Variants in XKR5 observed in about 807,000 individuals in gnomAD.
XKR5 encodes the protein XK related 5.
A neutral mutation model predicts 40.8 loss-of-function variants in XKR5; 46 were observed. The observed-to-expected ratio is 1.13, with a 90% CI of 0.89 to 1.44. XKR5 has a LOEUF of 1.44. Among genes scored for constraint, XKR5 ranks in the 40% most tolerant of loss-of-function variants. The pLI is 0.00. For missense variants in XKR5, 1,169 were observed against 844.7 expected (o/e 1.38, Z -4.76); for synonymous variants, 466 against 356.1 (o/e 1.31, Z -3.48).
rs960992419 is a variant in XKR5 at position 6,829,646 on chromosome 8, G to A, written c.242+3071C>T. 2.6e-5 allele frequency among the ~76,000 whole-genome samples: 4 copies of A among 152,190 alleles called. No homozygotes were observed. In the South Asian group the frequency reaches 8.3e-4, roughly 32 times the overall value. ...TTCTCATGCTTCAGTCTCCTGAGTA[G>A]GTGGCATTACAGGTGTGCGTGACCA... On this transcript the variant is annotated intron_variant, in intron 2 of 6. Transcript: ENST00000618742.
chr8:6,819,808 ACTTCCTTCCTCTTCCCTAC>A (rs146376669), intron 5 of XKR5, among the ~76,000 whole-genome samples: 17,360 of 150,658 alleles, frequency 0.12, 1,512 homozygotes, highest in East Asian at 0.34. Context: ...TTTACCCTCC[ACTTCCTTCCTCTTCCCTAC>A]CTTCCTTCCT....
chr8:6,821,794 C>T, intron 5 of XKR5, 75 bp downstream of exon 5: 2 of 1,306,638 alleles, frequency 1.5e-6, no homozygotes, highest in Non-Finnish European at 2.1e-6. Flanking sequence ...ACACACACAC[C>T]CCCCACACAC....
At position 6,811,345 on chromosome 8, in the gene XKR5, G is replaced by C. The variant is rs1563344224; in HGVS notation, c.1914C>G (p.His638Gln). 2 of 1,537,370 alleles carry C rather than the reference G, an allele frequency of 1.3e-6. No individual in the cohort carries two copies. The highest frequency in any genetic ancestry group is 1.7e-6 in the Non-Finnish European group (2 of 1,146,926). Residue 638 changes from histidine (H) to glutamine (Q), a missense_variant, in exon 7 of 7, where the codon CAC (histidine) becomes CAG (glutamine). His to Gln is a conservative substitution (Grantham distance 24). Transcript: ENST00000618742. ...EPLEPKRELS[H>Q]HAAVGVWVSL... ...ACACCCACACACCAACAGCTGCATG[G>C]TGACTTAGCTCCCTTTTGGGCTCCA...
chr8:6,826,497 G>C (rs1486563884), intron 2 of XKR5, among the ~76,000 whole-genome samples: 4 of 152,152 alleles, frequency 2.6e-5, no homozygotes. Flanking sequence ...ATCAGGATTT[G>C]ATGACTGAAC....
chr8:6,811,582 G>A lies in XKR5; in HGVS notation c.1677C>T (p.Ser559=), dbSNP rs1216959598. 1 of 1,537,204 alleles carries A rather than the reference G, an allele frequency of 6.5e-7. No individual in the cohort carries two copies. Among genetic ancestry groups the A allele is most frequent in the African/African-American group, 1.4e-5 (1 of 73,052 alleles). Residue 559 remains serine (S), a synonymous_variant, in exon 7 of 7, where the codon AGC becomes AGT. Transcript: ENST00000618742. The part of the protein sequence containing the change: ...EVATSSQQEG[S]PATLQTAHSG... ...AGTGGGCCGTTTGCAGAGTAGCTGG[G>A]CTGCCTTCTTGTTGTGAGGATGTGG...
At position 6,811,326 on chromosome 8, in the gene XKR5, A is replaced by C. The variant is rs1803669578; in HGVS notation, c.1933T>G (p.Trp645Gly). The C allele has an allele frequency of 1.3e-6, 2 of 1,537,216 alleles. No homozygotes were observed. The highest frequency in any genetic ancestry group is 3.9e-5 in the Admixed American group (2 of 50,990). ...ELSHHAAVGV[W>G]VSLPQLRTAH... is the part of the protein sequence containing the mutation. ...GTCCTCAGCTGTGGCAATGACACCC[A>C]CACACCAACAGCTGCATGGTGACTT... is the stretch of plus-strand genomic sequence containing the variant. Residue 645 changes from tryptophan to glycine, a missense_variant, in exon 7 of 7, where the codon TGG becomes GGG. Transcript: ENST00000618742.
chr8:6,821,987 A>G lies in XKR5; in HGVS notation c.689T>C (p.Ile230Thr). The G allele has an allele frequency of 6.2e-7, 1 of 1,607,288 alleles. No homozygotes were observed. The change falls in exon 5 of 7, where the codon ATC becomes ACC. Residue 230 changes from isoleucine to threonine, a missense_variant. By Grantham distance (89) the Ile-to-Thr change is moderately conservative. Transcript: ENST00000618742. Reference sequence around the variant, plus strand: ...CCTCCAGTGGCAGGTGCTGTCGATGATGTCACTCTGCTGGGCGACAAGCCA... The same window carrying G: ...CCTCCAGTGGCAGGTGCTGTCGATGGTGTCACTCTGCTGGGCGACAAGCCA... ...TFWLVAQQSD[I>T]IDSTCHWRLF...
chr8:6,813,975 C>T (rs1803849220), intron 6 of XKR5, among the ~76,000 whole-genome samples: 2 of 152,316 alleles, frequency 1.3e-5, no homozygotes, highest in Non-Finnish European at 1.5e-5. Context: ...TCAGCTATAC[C>T]TCCCGTGAAC....
intron 2 of XKR5, among the ~76,000 whole-genome samples, chr8:6,828,647 C>A (rs139473089): frequency 2.7e-4 from 41 of 152,310 alleles, no homozygotes; most frequent in Middle Eastern, 3.4e-3. Flanking sequence ...ACAGTCGCTG[C>A]ATCATTCCAG....
At chr8:6,824,074 C>T (rs558955292) in intron 3 of XKR5, among the ~76,000 whole-genome samples, 1 of 152,120 alleles carries the variant, frequency 6.6e-6, no homozygotes, top group Non-Finnish European at 1.5e-5. Context: ...CTGTATATAA[C>T]AAAGCTGATT....
Position 6,812,136 on chromosome 8 carries a change from C to A in XKR5, c.1123G>T (p.Gly375Trp), listed in dbSNP as rs1803747262. ...QGASYEPTIL[G>W]KPPTPEQVPP... ...ACCTGCTCAGGGGTAGGGGGCTTCCCTAAAATGGTTGGTTCATAACTTGCC... is the reference window on the plus strand; with the variant it reads ...ACCTGCTCAGGGGTAGGGGGCTTCCATAAAATGGTTGGTTCATAACTTGCC... The change falls in exon 7 of 7, where the codon GGG becomes TGG. Residue 375 changes from glycine (G) to tryptophan (W), a missense_variant. Coordinates refer to ENST00000618742, the MANE Select transcript of XKR5 (RefSeq NM_207411.5). 4.5e-6 allele frequency: 7 copies of A among 1,550,510 alleles called. No homozygotes were observed. Among genetic ancestry groups the A allele is most frequent in the Non-Finnish European group, 6.1e-6 (7 of 1,146,974 alleles).
intron 2 of XKR5, among the ~76,000 whole-genome samples, chr8:6,826,791 C>T (rs796667227): frequency 2.6e-4 from 40 of 152,214 alleles, no homozygotes; most frequent in African/African-American, 8.2e-4. Flanking sequence ...GGCCTGGATA[C>T]GAAAGGGACA....
intron 1 of XKR5, among the ~76,000 whole-genome samples, chr8:6,833,487 T>G (rs952499889): frequency 6.6e-6 from 1 of 152,098 alleles, no homozygotes; most frequent in African/African-American, 2.4e-5. Context: ...CCAAAGCACT[T>G]TGGGAGGCCG....
chr8:6,811,771 A>G lies in XKR5; in HGVS notation c.1488T>C (p.Asp496=), dbSNP rs1250383507. ...CTGCTGGGTTCTGGGTAGGTGCTTCATCCTGCTGATCGCTGGCAAAAGATA... is the reference window on the plus strand; with the variant it reads ...CTGCTGGGTTCTGGGTAGGTGCTTCGTCCTGCTGATCGCTGGCAAAAGATA... The part of the protein sequence containing the change: ...SYVSFASDQQ[D]EAPTQNPAAT... The change falls in exon 7 of 7, where the codon GAT becomes GAC. Residue 496 remains aspartate (D), a synonymous_variant. Coordinates refer to ENST00000618742, the MANE Select transcript of XKR5 (RefSeq NM_207411.5). 25 of 1,537,588 alleles carry G rather than the reference A, an allele frequency of 1.6e-5. No homozygotes were observed. Among genetic ancestry groups the G allele is most frequent in the Non-Finnish European group, 2.1e-5 (24 of 1,146,996 alleles).
At position 6,822,705 on chromosome 8, in the gene XKR5, G is replaced by A. The variant is rs549845178; in HGVS notation, c.638-667C>T. 2.0e-5 allele frequency among the ~76,000 whole-genome samples: 3 copies of A among 152,306 alleles called. No individual in the cohort carries two copies. The South Asian group carries it at 6.2e-4, about 32-fold the overall frequency. ...AGTATATTCACTGATGACCAGAGATGACAGCTCTCCTCGGCAGGGACACAC... is the reference window on the plus strand; with the variant it reads ...AGTATATTCACTGATGACCAGAGATAACAGCTCTCCTCGGCAGGGACACAC... On this transcript the variant is annotated intron_variant, in intron 4 of 6. Transcript: ENST00000618742.
At chr8:6,818,972 G>A (rs191316323) in intron 5 of XKR5, among the ~76,000 whole-genome samples, 2,156 of 152,370 alleles carry the variant, frequency 0.014, 47 homozygotes, top group African/African-American at 0.049. Context: ...AGCCTAGAAA[G>A]TCGAGGCTGC....
At position 6,832,709 on chromosome 8, in the gene XKR5, G is replaced by T; in HGVS notation, c.242+8C>A. 1 of 1,613,028 alleles carries T rather than the reference G, an allele frequency of 6.2e-7. No individual in the cohort carries two copies. The highest frequency in any genetic ancestry group is 1.1e-5 in the South Asian group (1 of 90,792). On this transcript the variant is annotated splice_region_variant and intron_variant, in intron 2 of 6. Coordinates refer to ENST00000618742, the MANE Select transcript of XKR5 (RefSeq NM_207411.5). ...TGCTCCAGAGGTGAAAGAGGCAGCT[G>T]TTCTTACCGCTTCCAAACACCAAGC...
At chr8:6,827,820 T>A (rs972930908) in intron 2 of XKR5, among the ~76,000 whole-genome samples, 2 of 152,126 alleles carry the variant, frequency 1.3e-5, no homozygotes, top group Non-Finnish European at 2.9e-5. Flanking sequence ...AATCCCAGCT[T>A]TTTGGGAGGC....
chr8:6,834,331 G>C (rs1468069789), intron 1 of XKR5, among the ~76,000 whole-genome samples: 1 of 152,260 alleles, frequency 6.6e-6, no homozygotes, highest in African/African-American at 2.4e-5. Flanking sequence ...TCTAGACCGC[G>C]GGGTCCGGGC....
Sources: gnomAD v4.1 joint callset for allele counts (sites outside exome capture counted in the v4.1 genomes callset) on GRCh38, gnomAD v4.1.1 for gene constraint, MANE v1.5 for transcripts, NCBI Gene and HGNC (gene_info 2026-07-23, HGNC 2026-07-21) for gene names.